ANO4: variants seen among roughly 807,000 people sequenced by gnomAD.
The protein encoded by ANO4 is anoctamin 4.
A neutral mutation model predicts 141.9 loss-of-function variants in ANO4; 69 were observed. That is an observed-to-expected ratio of 0.49 (90% confidence interval 0.40 to 0.59). The LOEUF (loss-of-function observed/expected upper bound fraction) is 0.59. ANO4 is among the 20% of genes least tolerant of loss of function. The probability of loss-of-function intolerance (pLI) is 0.00; values close to 1 mark genes in which losing one functional copy is unlikely to be tolerated. For synonymous variants in ANO4, 350 were observed against 394.3 expected (o/e 0.89, Z 1.33); for missense variants, 894 against 1,162.2 (o/e 0.77, Z 3.36).
At chr12:100,896,349 A>G (rs779188828) in intron 1 of ANO4, among the ~76,000 whole-genome samples, 1 of 152,162 alleles carries the variant, frequency 6.6e-6, no homozygotes, top group Non-Finnish European at 1.5e-5. Flanking sequence ...AATCACAGAG[A>G]TAGAGATTGG....
At chr12:100,878,752 A>G (rs1379606581) in intron 1 of ANO4, among the ~76,000 whole-genome samples, 1 of 152,198 alleles carries the variant, frequency 6.6e-6, no homozygotes. Context: ...ATTTTTTTAA[A>G]TGAAAGGGGC....
intron 3 of ANO4, among the ~76,000 whole-genome samples, chr12:100,753,694 G>T (rs552680072): frequency 2.6e-5 from 4 of 152,154 alleles, no homozygotes; most frequent in East Asian, 1.9e-4. Context: ...CCTAGGAAAA[G>T]ATTTATAGCA....
At chr12:101,011,899 C>T (rs2046109854) in intron 8 of ANO4, among the ~76,000 whole-genome samples, 1 of 152,062 alleles carries the variant, frequency 6.6e-6, no homozygotes, top group African/African-American at 2.4e-5. Flanking sequence ...ACCCCTTCCT[C>T]CTGAAGTTTT....
chr12:100,993,363 G>A (rs905897688), intron 8 of ANO4, among the ~76,000 whole-genome samples: 1 of 152,162 alleles, frequency 6.6e-6, no homozygotes, highest in African/African-American at 2.4e-5. Flanking sequence ...CTTATTGTAT[G>A]CCAGACACTA....
At position 100,816,318 on chromosome 12, in the gene ANO4, G is replaced by A. The variant is rs373957244; in HGVS notation, c.-141+21291G>A. ...AGGCAAATGGCATGAGAGAATAACT[G>A]TGGAAGCATAATTTAATTGGAGGGA... On this transcript the variant is annotated intron_variant, in intron 1 of 27. Coordinates refer to ENST00000392977, the MANE Select transcript of ANO4 (RefSeq NM_001286615.2). Among the ~76,000 whole-genome samples, 4 of 152,130 alleles carry A rather than the reference G, an allele frequency of 2.6e-5. No individual in the cohort carries two copies. In the East Asian group the frequency reaches 5.8e-4, roughly 22 times the overall value.
chr12:100,775,023 G>A (rs561899730), intron 3 of ANO4, among the ~76,000 whole-genome samples: 43 of 152,244 alleles, frequency 2.8e-4, no homozygotes, highest in African/African-American at 1.0e-3. Flanking sequence ...ACTTCTTTGA[G>A]GCAAAGAGAG....
In ANO4 at chr12:101,110,552, C is replaced by A; in HGVS notation, c.2298C>A (p.Asp766Glu). 1 of 1,576,772 alleles carries A rather than the reference C, an allele frequency of 6.3e-7. No homozygotes were observed. The highest frequency in any genetic ancestry group is 1.2e-5 in the South Asian group (1 of 81,546). ...WRRPLASRAK[D>E]IGIWYGILEG... ...GACCTTTAGCTTCAAGGGCCAAAGA[C>A]ATAGGTAAGTTGGATTTGGGTATGT... is the stretch of plus-strand genomic sequence containing the variant. The change falls in exon 23 of 28, where the codon GAC becomes GAA. Residue 766 changes from aspartate to glutamate, a missense_variant. Coordinates refer to ENST00000392977, the MANE Select transcript of ANO4 (RefSeq NM_001286615.2).
At chr12:100,878,025 A>C (rs2039400784) in intron 1 of ANO4, among the ~76,000 whole-genome samples, 1 of 152,112 alleles carries the variant, frequency 6.6e-6, no homozygotes, top group Non-Finnish European at 1.5e-5. Flanking sequence ...TTGTATCTCA[A>C]CTTTTTTTTT....
intron 1 of ANO4, among the ~76,000 whole-genome samples, chr12:100,836,481 T>TCCCTCCC (rs1343154542): frequency 7.4e-6 from 1 of 135,650 alleles, no homozygotes; most frequent in African/African-American, 2.7e-5. Flanking sequence ...CCTAATGCTA[T>TCCCTCCC]CCCTCCCCCC....
chr12:100,942,662 A>G (rs941790648), intron 5 of ANO4, 127 bp downstream of exon 5: 2 of 1,036,120 alleles, frequency 1.9e-6, no homozygotes, highest in Non-Finnish European at 2.7e-6. Context: ...TCCAGTCTTC[A>G]GAGTTTGGGG....
rs755350986 is a variant in ANO4 at position 101,097,638 on chromosome 12, C to G, written c.1851-13C>G. ...TAGAGCACTAATGGCTTGTTTTTCT[C>G]TGTGTGTTGAAGATTTACAGGACAC... On this transcript the variant is annotated splice_polypyrimidine_tract_variant and intron_variant, in intron 19 of 27. Transcript: ENST00000392977. 1 of 1,613,316 alleles carries G rather than the reference C, an allele frequency of 6.2e-7. No homozygotes were observed. The highest frequency in any genetic ancestry group is 1.1e-5 in the South Asian group (1 of 91,066).
intron 1 of ANO4, among the ~76,000 whole-genome samples, chr12:100,824,720 A>G (rs545424260): frequency 7.4e-4 from 112 of 152,194 alleles, no homozygotes; most frequent in African/African-American, 2.6e-3. Flanking sequence ...TCAATGAAGT[A>G]CACAAAGCTC....
intron 14 of ANO4, chr12:101,067,007 A>AG: frequency 1.7e-6 from 1 of 586,088 alleles, no homozygotes. Context: ...CAAAAAAAAA[A>AG]AAAAAAAAAA....
intron 14 of ANO4, among the ~76,000 whole-genome samples, chr12:101,064,399 G>T (rs2048484270): frequency 6.6e-6 from 1 of 152,090 alleles, no homozygotes; most frequent in Admixed American, 6.6e-5. Context: ...AATTTACTGA[G>T]AAATGTTTTA....
At chr12:100,839,216 G>A (rs2037108502) in intron 1 of ANO4, among the ~76,000 whole-genome samples, 1 of 152,152 alleles carries the variant, frequency 6.6e-6, no homozygotes, top group Non-Finnish European at 1.5e-5. Flanking sequence ...ATTTGTACCA[G>A]AACTTGCAGA....
At chr12:101,022,208 TTTC>T (rs1178494590) in intron 9 of ANO4, among the ~76,000 whole-genome samples, 1 of 152,226 alleles carries the variant, frequency 6.6e-6, no homozygotes, top group Non-Finnish European at 1.5e-5. Context: ...GATTTAGGTC[TTTC>T]TTAACTTTGA....
intron 2 of ANO4, among the ~76,000 whole-genome samples, chr12:100,917,730 C>G (rs1593752987): frequency 6.6e-6 from 1 of 152,104 alleles, no homozygotes; most frequent in Non-Finnish European, 1.5e-5. Flanking sequence ...ACATTATACT[C>G]TATGAAAGAG....
intron 8 of ANO4, among the ~76,000 whole-genome samples, chr12:101,003,992 A>C (rs1434789650): frequency 6.6e-6 from 1 of 152,034 alleles, no homozygotes; most frequent in Non-Finnish European, 1.5e-5. Flanking sequence ...CAGATTACCA[A>C]GCAGGATAGG....
chr12:101,083,949 T>G (rs941595774), intron 16 of ANO4, 131 bp downstream of exon 16: 4 of 872,918 alleles, frequency 4.6e-6, no homozygotes, highest in Non-Finnish European at 6.6e-6. Context: ...TCACAGTAAC[T>G]TCGTCTGGTG....
Sources: gnomAD v4.1 joint callset for allele counts (sites outside exome capture counted in the v4.1 genomes callset) on GRCh38, gnomAD v4.1.1 for gene constraint, MANE v1.5 for transcripts, NCBI Gene and HGNC (gene_info 2026-07-23, HGNC 2026-07-21) for gene names.